The following YEATS2 variants were observed in gnomAD, a reference collection of about 807,000 sequenced individuals.
YEATS2 encodes YEATS domain containing 2.
Under a neutral mutation model 163.2 loss-of-function variants are expected in YEATS2, and 77 were observed. The observed-to-expected ratio is 0.47, with a 90% CI of 0.39 to 0.57. The LOEUF (loss-of-function observed/expected upper bound fraction) is 0.57, where lower values mean the gene tolerates loss of function less well. Ranked by LOEUF, YEATS2 falls within the 20% of genes least tolerant of loss-of-function variation. The probability of loss-of-function intolerance (pLI) is 0.00; values close to 1 mark genes in which losing one functional copy is unlikely to be tolerated. For missense variants in YEATS2, 1,549 were observed against 1,729.8 expected, an observed-to-expected ratio of 0.90 and a Z score of 1.85; for synonymous variants, 631 against 645.1, an observed-to-expected ratio of 0.98 and a Z score of 0.33.
At chr3:183,730,205 C>T (rs756237808) in intron 7 of YEATS2, among the ~76,000 whole-genome samples, 1 of 150,742 alleles carries the variant, frequency 6.6e-6, no homozygotes, top group Non-Finnish European at 1.5e-5. Context: ...GCTGTGATTA[C>T]AGGTGCACGC....
chr3:183,705,280 G>A lies in YEATS2; in HGVS notation c.-20+7287G>A, dbSNP rs145896006. Among the ~76,000 whole-genome samples, 1,278 of 152,142 alleles carry A rather than the reference G, an allele frequency of 8.4e-3. 9 individuals carry two copies. The highest frequency in any genetic ancestry group is 0.016 in the Admixed American group (244 of 15,282). The stretch of plus-strand genomic sequence containing the variant: ...GCCCAGGGTGGTCTTGAACTCCTGA[G>A]CTCAAGCGAGTCACCTGCCTCAACT... On this transcript the variant is annotated intron_variant, in intron 1 of 30. Coordinates refer to ENST00000305135, the MANE Select transcript of YEATS2 (RefSeq NM_018023.5).
At chr3:183,713,174 A>G (rs1715454341) in intron 1 of YEATS2, among the ~76,000 whole-genome samples, 1 of 152,276 alleles carries the variant, frequency 6.6e-6, no homozygotes, top group Non-Finnish European at 1.5e-5. Context: ...TGATTTATTT[A>G]TATCAATTAC....
At chr3:183,800,710 G>A (rs1040463883) in intron 24 of YEATS2, 142 bp downstream of exon 24, 16 of 641,602 alleles carry the variant, frequency 2.5e-5, no homozygotes, top group Middle Eastern at 2.5e-4. Context: ...GTGGACAAGT[G>A]TTACCACTTG....
At chr3:183,804,789 C>T (rs1726017237) in intron 27 of YEATS2, among the ~76,000 whole-genome samples, 1 of 151,122 alleles carries the variant, frequency 6.6e-6, no homozygotes, top group African/African-American at 2.4e-5. Context: ...AGTTCAAGAC[C>T]ATCTTGGCTA....
At chr3:183,701,083 A>AT (rs1428703851) in intron 1 of YEATS2, among the ~76,000 whole-genome samples, 178 of 149,588 alleles carry the variant, frequency 1.2e-3, no homozygotes, top group African/African-American at 4.0e-3. Flanking sequence ...ATATATATAT[A>AT]AATTTTTTTT....
intron 7 of YEATS2, among the ~76,000 whole-genome samples, chr3:183,731,747 T>C (rs1717804067): frequency 6.6e-6 from 1 of 152,160 alleles, no homozygotes; most frequent in African/African-American, 2.4e-5. Context: ...TGAACTTTGT[T>C]TCATTACCTG....
intron 15 of YEATS2, among the ~76,000 whole-genome samples, chr3:183,769,951 C>G (rs1452931575): frequency 6.6e-6 from 1 of 151,776 alleles, no homozygotes; most frequent in Non-Finnish European, 1.5e-5. Flanking sequence ...TCCTAAAGTG[C>G]TGGGATTACA....
intron 7 of YEATS2, among the ~76,000 whole-genome samples, chr3:183,729,616 A>T (rs1407617753): frequency 6.6e-6 from 1 of 152,054 alleles, no homozygotes; most frequent in Non-Finnish European, 1.5e-5. Context: ...TTTCACCAAG[A>T]TGGAATGATT....
At chr3:183,809,300 A>G (rs1726554787) in intron 30 of YEATS2, 130 bp downstream of exon 30, 2 of 871,518 alleles carry the variant, frequency 2.3e-6, no homozygotes, top group Non-Finnish European at 3.7e-6. Flanking sequence ...ACACTCTTAG[A>G]GCCAGATGAG....
At chr3:183,746,406 C>T (rs1051098985) in intron 8 of YEATS2, among the ~76,000 whole-genome samples, 5 of 152,122 alleles carry the variant, frequency 3.3e-5, no homozygotes, top group African/African-American at 9.7e-5. Context: ...TTTATAAGAA[C>T]GCTAAAAATG....
At chr3:183,756,833 A>G (rs1279555914) in intron 12 of YEATS2, 144 bp downstream of exon 12, 7 of 731,310 alleles carry the variant, frequency 9.6e-6, no homozygotes, top group Non-Finnish European at 1.4e-5. Context: ...GAAAGCCAAT[A>G]CTCTTTCTCT....
At chr3:183,806,752 A>T in intron 27 of YEATS2, 114 bp from the exon 28 acceptor site, 1 of 1,014,944 alleles carries the variant, frequency 9.9e-7, no homozygotes, top group Admixed American at 2.5e-5. Flanking sequence ...ACTGGAAAGA[A>T]GGTCAGCTCC....
chr3:183,777,640 T>G lies in YEATS2; in HGVS notation c.2676T>G (p.Ser892=), dbSNP rs369002533. 1 of 1,614,206 alleles carries G rather than the reference T, an allele frequency of 6.2e-7. No homozygotes were observed. Among genetic ancestry groups the G allele is most frequent in the Non-Finnish European group, 8.5e-7 (1 of 1,180,032 alleles). ...VQGTLGVSTS[S]AQGQQTLKVI... ...GAACACTGGGAGTCAGCACATCTTC[T>G]GCACAAGGACAACAAACGCTAAAAG... The change falls in exon 19 of 31, where the codon TCT becomes TCG. Residue 892 remains serine, a synonymous_variant. Coordinates refer to ENST00000305135, the MANE Select transcript of YEATS2 (RefSeq NM_018023.5).
chr3:183,806,451 G>A (rs1340034020), intron 27 of YEATS2: 1 of 457,152 alleles, frequency 2.2e-6, no homozygotes. Context: ...AATATACATT[G>A]AAATGTTAAC....
Position 183,809,093 on chromosome 3 carries a change from G to A in YEATS2, c.4087-4G>A, listed in dbSNP as rs1444399082. The A allele has an allele frequency of 1.5e-5, 24 of 1,614,058 alleles. No homozygotes were observed. The highest frequency in any genetic ancestry group is 2.0e-5 in the Non-Finnish European group (24 of 1,179,974). On this transcript the variant is annotated splice_polypyrimidine_tract_variant and splice_region_variant and intron_variant, in intron 29 of 30. Transcript: ENST00000305135. ...TTGAAGAATAACAGCATCTTCCATT[G>A]TAGGCTACAGAACAGCTGGTGAATG...
chr3:183,747,354 A>G (rs559220337), intron 8 of YEATS2, among the ~76,000 whole-genome samples: 3 of 152,122 alleles, frequency 2.0e-5, no homozygotes, highest in Non-Finnish European at 4.4e-5. Context: ...CTGGATTTTT[A>G]TGTTGTTTTT....
chr3:183,754,465 T>G, intron 11 of YEATS2, 100 bp downstream of exon 11: 2 of 1,456,998 alleles, frequency 1.4e-6, no homozygotes, highest in Non-Finnish European at 1.8e-6. Flanking sequence ...TCTTAAGTTC[T>G]TCTAAGCAGT....
Position 183,773,639 on chromosome 3 carries a change from C to T in YEATS2, c.2213C>T (p.Ala738Val), listed in dbSNP as rs1488786641. ...TTCTCCTTTACCATTTTAGTAATGG[C>T]AACGTTGCAGCTACCAGCCACTAAT... ...QKSGSQGSVM[A>V]TLQLPATNLA... Residue 738 changes from alanine to valine, a missense_variant, in exon 17 of 31, where the codon GCA (alanine) becomes GTA (valine). Ala to Val is a moderately conservative substitution (Grantham distance 64, BLOSUM62 0). Transcript: ENST00000305135. 1 of 1,600,854 alleles carries T rather than the reference C, an allele frequency of 6.2e-7. No individual in the cohort carries two copies.
chr3:183,767,420 G>T (rs1722014864), intron 15 of YEATS2, among the ~76,000 whole-genome samples: 1 of 150,166 alleles, frequency 6.7e-6, no homozygotes, highest in Admixed American at 6.7e-5. Flanking sequence ...TTGCACTGTC[G>T]CCCAGGCTGG....
Sources: gnomAD v4.1 joint callset for allele counts (sites outside exome capture counted in the v4.1 genomes callset) on GRCh38, gnomAD v4.1.1 for gene constraint, MANE v1.5 for transcripts, NCBI Gene and HGNC (gene_info 2026-07-23, HGNC 2026-07-21) for gene names.